The following COL26A1 variants were observed in gnomAD, a reference collection of about 807,000 sequenced individuals.
COL26A1 encodes the protein collagen type XXVI alpha 1 chain.
In COL26A1, 41 loss-of-function variants were observed where a neutral mutation model predicts 59.3. The observed-to-expected ratio is 0.69, with a 90% CI of 0.54 to 0.90. COL26A1 has a LOEUF of 0.90. COL26A1 is among the 40% of genes least tolerant of loss of function. The pLI, the probability that COL26A1 is intolerant of heterozygous loss-of-function variation, is 0.00. For missense variants in COL26A1, 612 were observed against 602.3 expected, an observed-to-expected ratio of 1.02 and a Z score of -0.17; for synonymous variants, 266 against 256.0, an observed-to-expected ratio of 1.04 and a Z score of -0.37.
At chr7:101,413,659 A>G (rs1792299845) in intron 1 of COL26A1, among the ~76,000 whole-genome samples, 1 of 152,158 alleles carries the variant, frequency 6.6e-6, no homozygotes, top group African/African-American at 2.4e-5. Flanking sequence ...ACCCTCCCTG[A>G]GTGCTCAGCT....
At chr7:101,526,134 C>T (rs893145111) in intron 3 of COL26A1, among the ~76,000 whole-genome samples, 9 of 151,894 alleles carry the variant, frequency 5.9e-5, no homozygotes, top group African/African-American at 1.5e-4. Flanking sequence ...CTGCAACCTC[C>T]GCCTCCTGGG....
intron 3 of COL26A1, among the ~76,000 whole-genome samples, chr7:101,505,380 C>A (rs184815301): frequency 6.6e-6 from 1 of 151,492 alleles, no homozygotes; most frequent in Non-Finnish European, 1.5e-5. Flanking sequence ...ATGAGTATGA[C>A]CACTCCATGT....
At chr7:101,523,370 G>A (rs367658469) in intron 3 of COL26A1, among the ~76,000 whole-genome samples, 9 of 152,034 alleles carry the variant, frequency 5.9e-5, no homozygotes, top group Non-Finnish European at 7.4e-5. Context: ...CACCTGGCCC[G>A]AGAAATTCTT....
At chr7:101,420,389 G>A (rs1459591895) in intron 2 of COL26A1, among the ~76,000 whole-genome samples, 1 of 152,154 alleles carries the variant, frequency 6.6e-6, no homozygotes, top group Non-Finnish European at 1.5e-5. Context: ...TCCGAGGTCG[G>A]GGAAGGCCAG....
intron 4 of COL26A1, among the ~76,000 whole-genome samples, chr7:101,533,845 C>A (rs1031047462): frequency 1.3e-5 from 2 of 152,242 alleles, no homozygotes; most frequent in Non-Finnish European, 2.9e-5. Flanking sequence ...CTGGGTAACA[C>A]TTACCCGAGG....
At chr7:101,380,976 T>C (rs1791433821) in intron 1 of COL26A1, among the ~76,000 whole-genome samples, 1 of 152,226 alleles carries the variant, frequency 6.6e-6, no homozygotes, top group Non-Finnish European at 1.5e-5. Flanking sequence ...TTGTTCTCTG[T>C]CATCCTTGCC....
At chr7:101,374,090 A>G (rs1248276147) in intron 1 of COL26A1, among the ~76,000 whole-genome samples, 2 of 152,166 alleles carry the variant, frequency 1.3e-5, no homozygotes, top group Non-Finnish European at 2.9e-5. Context: ...TCTGCAGACA[A>G]TCCTACGGAA....
At position 101,402,076 on chromosome 7, in the gene COL26A1, G is replaced by T. The variant is rs1792021168; in HGVS notation, c.159-17901G>T. Among the ~76,000 whole-genome samples the T allele has an allele frequency of 2.0e-5, 3 of 152,174 alleles. No homozygotes were observed. In the South Asian group the frequency reaches 6.2e-4, roughly 32 times the overall value. ...AGTGGCTTCAAATTCTCCCGGGCCT[G>T]ACCTTTGCAGGGGAACTGAGGAATT... is the stretch of plus-strand genomic sequence containing the variant. On this transcript the variant is annotated intron_variant, in intron 1 of 12. Coordinates refer to ENST00000313669, the MANE Select transcript of COL26A1 (RefSeq NM_001278563.3).
chr7:101,466,792 T>G (rs1014382873), intron 3 of COL26A1, among the ~76,000 whole-genome samples: 1 of 97,048 alleles, frequency 1.0e-5, no homozygotes, highest in Admixed American at 1.1e-4. Flanking sequence ...CCCGGCATGT[T>G]CTGGTGTGTG....
In COL26A1 at chr7:101,467,862, G is replaced by A. The variant is rs62464287; in HGVS notation, c.385+20075G>A. ...AGCCTGGGTGACAGAGCGAGACTCC[G>A]TCTCAAAAGAAAAGAAAAAGAAAAG... On this transcript the variant is annotated intron_variant, in intron 3 of 12. Coordinates refer to ENST00000313669, the MANE Select transcript of COL26A1 (RefSeq NM_001278563.3). 2.3e-3 allele frequency among the ~76,000 whole-genome samples: 348 copies of A among 152,076 alleles called. 1 individual carries two copies. Among genetic ancestry groups the A allele is most frequent in the Admixed American group, 4.1e-3 (63 of 15,244 alleles).
In COL26A1 at chr7:101,400,351, CTATTTTTTT is replaced by C. The variant is rs1258116782; in HGVS notation, c.159-19624_159-19616del. On this transcript the variant is annotated intron_variant, in intron 1 of 12. Coordinates refer to ENST00000313669, the MANE Select transcript of COL26A1 (RefSeq NM_001278563.3). ...GTCCACACTGCCTTTCTTTTTTTTCCTATTTTTTTTTTTTTTTTTTTTTTTTTTGAGATG... is the reference window on the plus strand; with the variant it reads ...GTCCACACTGCCTTTCTTTTTTTTCCTTTTTTTTTTTTTTTTTTTGAGATG... Among the ~76,000 whole-genome samples, 80 of 123,392 alleles carry C rather than the reference CTATTTTTTT, an allele frequency of 6.5e-4. 2 individuals carry two copies. The East Asian group carries it at 0.012, about 18-fold the overall frequency. 80.9% of individuals were successfully genotyped at this position (123,392 alleles called of 152,430 possible). A position where few individuals can be genotyped will look rare whatever the true frequency, so the allele number is the denominator to read the frequency against.
At chr7:101,545,788 G>C (rs931962556) in intron 7 of COL26A1, among the ~76,000 whole-genome samples, 2 of 152,202 alleles carry the variant, frequency 1.3e-5, no homozygotes, top group Admixed American at 6.5e-5. Flanking sequence ...GCCTGTCTCT[G>C]CCTCAGTGCT....
chr7:101,396,763 A>G (rs556610630), intron 1 of COL26A1, among the ~76,000 whole-genome samples: 13 of 152,250 alleles, frequency 8.5e-5, no homozygotes, highest in African/African-American at 2.6e-4. Context: ...ACTCCTGGCC[A>G]TGCTCTTTAG....
At position 101,551,115 on chromosome 7, in the gene COL26A1, C is replaced by T. The variant is rs747351805; in HGVS notation, c.1001C>T (p.Ala334Val). 6.4e-7 allele frequency: 1 copy of T among 1,556,852 alleles called. No individual in the cohort carries two copies. Among genetic ancestry groups the T allele is most frequent in the African/African-American group, 1.4e-5 (1 of 73,342 alleles). The change falls in exon 10 of 13, where the codon GCT (alanine) becomes GTT (valine). Residue 334 changes from alanine (A) to valine (V), a missense_variant. Coordinates refer to ENST00000313669, the MANE Select transcript of COL26A1 (RefSeq NM_001278563.3). ...TCCTTTGGTTTTCTGCAGGGCCTGG[C>T]TGGAGAGCGAGGCACAGTGGGGCCG... ...PPGTPGSQGL[A>V]GERGTVGPSG...
intron 3 of COL26A1, among the ~76,000 whole-genome samples, chr7:101,479,313 A>T (rs1438636255): frequency 6.6e-6 from 1 of 152,210 alleles, no homozygotes; most frequent in Non-Finnish European, 1.5e-5. Context: ...TCTCCCTAAT[A>T]CATCCAAATT....
chr7:101,399,666 CCA>C (rs1791944931), intron 1 of COL26A1, among the ~76,000 whole-genome samples: 2 of 152,012 alleles, frequency 1.3e-5, no homozygotes, highest in South Asian at 4.2e-4. Context: ...ACCATGTTGC[CCA>C]GGCTGGTCTC....
intron 3 of COL26A1, among the ~76,000 whole-genome samples, chr7:101,482,344 C>T (rs1407074878): frequency 6.6e-6 from 1 of 152,138 alleles, no homozygotes; most frequent in African/African-American, 2.4e-5. Flanking sequence ...TTTTATGTAG[C>T]TCAGCATGAG....
At chr7:101,489,905 T>C (rs1473096874) in intron 3 of COL26A1, among the ~76,000 whole-genome samples, 1 of 98,854 alleles carries the variant, frequency 1.0e-5, no homozygotes, top group Non-Finnish European at 2.0e-5. Context: ...TTTCTTTCTT[T>C]CTTTCTTTCT....
chr7:101,530,061 G>T (rs1222467861), intron 3 of COL26A1, among the ~76,000 whole-genome samples: 1 of 152,132 alleles, frequency 6.6e-6, no homozygotes, highest in East Asian at 1.9e-4. Context: ...ATGATTAGAG[G>T]TAGAGGAGAG....
Sources: gnomAD v4.1 joint callset for allele counts (sites outside exome capture counted in the v4.1 genomes callset) on GRCh38, gnomAD v4.1.1 for gene constraint, MANE v1.5 for transcripts, NCBI Gene and HGNC (gene_info 2026-07-23, HGNC 2026-07-21) for gene names.